Variants in MTUS2 observed in about 807,000 individuals in gnomAD.
MTUS2 encodes microtubule-associated tumor suppressor candidate 2.
In MTUS2, 40 loss-of-function variants were observed where a neutral mutation model predicts 114.1. The ratio of observed to expected loss-of-function variants is 0.35; its 90% CI spans 0.27 to 0.46. The LOEUF is 0.46. MTUS2 is among the 20% of genes least tolerant of loss of function. The pLI is 1.00. For synonymous variants in MTUS2, 688 were observed against 672.0 expected, an observed-to-expected ratio of 1.02 and a Z score of -0.37; for missense variants, 1,679 against 1,705.4, an observed-to-expected ratio of 0.98 and a Z score of 0.27.
intron 2 of MTUS2, among the ~76,000 whole-genome samples, chr13:28,881,699 G>C (rs61950534): frequency 5.3e-5 from 8 of 152,042 alleles, no homozygotes; most frequent in Non-Finnish European, 7.4e-5. Flanking sequence ...AGCTCATTGT[G>C]GTTTTAATTT....
At chr13:29,264,312 G>A (rs1055941808) in intron 5 of MTUS2, among the ~76,000 whole-genome samples, 1 of 152,238 alleles carries the variant, frequency 6.6e-6, no homozygotes, top group Non-Finnish European at 1.5e-5. Flanking sequence ...GCAGGGTTTA[G>A]TCTCCAAGGC....
intron 1 of MTUS2, among the ~76,000 whole-genome samples, chr13:28,836,413 T>A (rs1435936347): frequency 6.6e-6 from 1 of 152,222 alleles, no homozygotes; most frequent in East Asian, 1.9e-4. Flanking sequence ...AGATTCAAAT[T>A]CTAGCTTTGG....
At position 29,359,444 on chromosome 13, in the gene MTUS2, G is replaced by A. The variant is rs926002769; in HGVS notation, c.3088G>A (p.Ala1030Thr). ...KRAICGFDAL[A>T]VATQHFFRKN... Reference sequence around the variant, plus strand: ...GGCCATCTGCGGCTTTGATGCCCTCGCCGTGGCCACGCAGCATTTCTTTAG... The same window carrying A: ...GGCCATCTGCGGCTTTGATGCCCTCACCGTGGCCACGCAGCATTTCTTTAG... Residue 1030 changes from alanine (A) to threonine (T), a missense_variant, in exon 8 of 16, where the codon GCC (alanine) becomes ACC (threonine). Physicochemically the swap from Ala to Thr is moderately conservative, Grantham distance 58. This residue lies in a region of MTUS2 where 822 missense variants were observed against 899.7 expected (regional missense o/e 0.91). Coordinates refer to ENST00000612955, the MANE Select transcript of MTUS2 (RefSeq NM_001033602.4). The A allele has an allele frequency of 3.1e-6, 5 of 1,612,374 alleles. No individual in the cohort carries two copies. The highest frequency in any genetic ancestry group is 2.2e-5 in the East Asian group (1 of 44,874).
intron 7 of MTUS2, among the ~76,000 whole-genome samples, chr13:29,330,563 T>C (rs534984292): frequency 6.6e-6 from 1 of 152,212 alleles, no homozygotes; most frequent in Non-Finnish European, 1.5e-5. Context: ...TTTTGTGGGT[T>C]TAGGTCTTAT....
chr13:29,359,651 G>GT (rs1870066414), intron 8 of MTUS2, among the ~76,000 whole-genome samples, 178 bp downstream of exon 8: 1 of 152,170 alleles, frequency 6.6e-6, no homozygotes, highest in Admixed American at 6.5e-5. Flanking sequence ...GGGGAGCCAC[G>GT]TTTATCCTTA....
chr13:29,067,631 G>A (rs74836048), intron 4 of MTUS2, among the ~76,000 whole-genome samples: 122 of 152,282 alleles, frequency 8.0e-4, no homozygotes, highest in East Asian at 3.9e-4. Context: ...TGTGCTGATG[G>A]ATAAAAGAGC....
chr13:29,094,924 T>C (rs1316128461), intron 4 of MTUS2, among the ~76,000 whole-genome samples: 1 of 152,100 alleles, frequency 6.6e-6, no homozygotes, highest in African/African-American at 2.4e-5. Context: ...TTCAATTTTA[T>C]CTTTGACCCA....
At position 29,504,769 on chromosome 13, in the gene MTUS2, A is replaced by AC. The variant is rs541226499; in HGVS notation, c.*1570dup. On this transcript the variant is annotated 3_prime_UTR_variant, in exon 16 of 16. Coordinates refer to ENST00000612955, the MANE Select transcript of MTUS2 (RefSeq NM_001033602.4). ...AAAGACCCTGCACTTTCTCCCTGAG[A>AC]CCCCCCCAAAATTGTCCTGAGCACA... 38 of 232,378 alleles carry AC rather than the reference A, an allele frequency of 1.6e-4. No individual in the cohort carries two copies. Among genetic ancestry groups the AC allele is most frequent in the East Asian group, 1.6e-3 (27 of 16,536 alleles). The allele number at this position is 232,378 out of a possible 1,614,324, so 14.4% of individuals were successfully genotyped here. A position where few individuals can be genotyped will look rare whatever the true frequency, so the allele number is the denominator to read the frequency against.
At chr13:29,408,065 T>C (rs937550753) in intron 8 of MTUS2, among the ~76,000 whole-genome samples, 1 of 152,210 alleles carries the variant, frequency 6.6e-6, no homozygotes, top group African/African-American at 2.4e-5. Context: ...TTTCTACATA[T>C]TCTGGATACT....
chr13:28,915,109 T>G (rs1453490707), intron 2 of MTUS2, among the ~76,000 whole-genome samples: 2 of 151,980 alleles, frequency 1.3e-5, no homozygotes, highest in Non-Finnish European at 2.9e-5. Context: ...AATATTGTTA[T>G]GTGTGAATTG....
intron 5 of MTUS2, among the ~76,000 whole-genome samples, chr13:29,112,868 GA>G (rs2138869736): frequency 6.6e-6 from 1 of 152,298 alleles, no homozygotes; most frequent in East Asian, 1.9e-4. Context: ...AGGTAATTAA[GA>G]AGTAGAGTTT....
At chr13:29,234,889 G>A (rs931006844) in intron 5 of MTUS2, among the ~76,000 whole-genome samples, 7 of 151,868 alleles carry the variant, frequency 4.6e-5, no homozygotes, top group Admixed American at 4.6e-4. Flanking sequence ...TATGTTTTCA[G>A]TTAAATTTAT....
At chr13:29,043,643 A>C (rs1488592023) in intron 4 of MTUS2, among the ~76,000 whole-genome samples, 1 of 151,606 alleles carries the variant, frequency 6.6e-6, no homozygotes, top group Non-Finnish European at 1.5e-5. Flanking sequence ...ATATATATAT[A>C]TATTTAGGGT....
At chr13:28,889,787 A>G (rs1205854777) in intron 2 of MTUS2, among the ~76,000 whole-genome samples, 1 of 152,186 alleles carries the variant, frequency 6.6e-6, no homozygotes, top group Non-Finnish European at 1.5e-5. Context: ...AGTAGCAATT[A>G]GAGACCCAGG....
chr13:29,238,766 C>G (rs7992989), intron 5 of MTUS2, among the ~76,000 whole-genome samples: 86,199 of 151,964 alleles, frequency 0.57, 24,705 homozygotes, highest in Non-Finnish European at 0.59. Context: ...ACTTTGCATC[C>G]TTCAATCCAA....
intron 5 of MTUS2, among the ~76,000 whole-genome samples, chr13:29,214,164 G>C (rs887991856): frequency 3.0e-5 from 4 of 133,352 alleles, no homozygotes; most frequent in African/African-American, 1.1e-4. Flanking sequence ...CATATGTTAT[G>C]AACCTATACT....
chr13:29,435,695 G>T (rs1319330418), intron 8 of MTUS2, among the ~76,000 whole-genome samples: 1 of 152,228 alleles, frequency 6.6e-6, no homozygotes, highest in African/African-American at 2.4e-5. Flanking sequence ...TCATTGCAGG[G>T]TGGTACTACG....
chr13:29,307,584 C>A, intron 6 of MTUS2: 1 of 1,227,966 alleles, frequency 8.1e-7, no homozygotes, highest in African/African-American at 1.5e-5. Flanking sequence ...CAGAGGGCCC[C>A]CTCAAGGGCA....
At chr13:29,366,027 G>A (rs1188063585) in intron 8 of MTUS2, among the ~76,000 whole-genome samples, 5 of 152,172 alleles carry the variant, frequency 3.3e-5, no homozygotes, top group Non-Finnish European at 2.9e-5. Context: ...AGTTACTAAG[G>A]GTCCAGTTTC....
Sources: gnomAD v4.1 joint callset for allele counts (sites outside exome capture counted in the v4.1 genomes callset) on GRCh38, gnomAD v4.1.1 for gene constraint, gnomAD v4.1.1 regional missense constraint, MANE v1.5 for transcripts, NCBI Gene and HGNC (gene_info 2026-07-23, HGNC 2026-07-21) for gene names.